The following PCDHGA9 variants were observed in gnomAD, a reference collection of about 807,000 sequenced individuals.
PCDHGA9 encodes the protein protocadherin gamma-A9.
Under a neutral mutation model 62.5 loss-of-function variants are expected in PCDHGA9, and 37 were observed. The observed-to-expected ratio is 0.59, with a 90% CI of 0.46 to 0.78. The LOEUF (loss-of-function observed/expected upper bound fraction) is 0.78. Ranked by LOEUF, PCDHGA9 falls within the 30% of genes least tolerant of loss-of-function variation. The pLI is 0.00. For missense variants in PCDHGA9, 1,138 were observed against 1,166.2 expected (o/e 0.98, Z 0.35); for synonymous variants, 459 against 484.6 (o/e 0.95, Z 0.69).
chr5:141,494,510 C>T (rs1462702765), intron 1 of PCDHGA9, among the ~76,000 whole-genome samples: 1 of 152,156 alleles, frequency 6.6e-6, no homozygotes, highest in Non-Finnish European at 1.5e-5. Context: ...TGAATTTTGG[C>T]TCAGGAGTTC....
chr5:141,489,530 G>C lies in PCDHGA9; in HGVS notation c.2425-5277G>C, dbSNP rs751249228. 17 of 1,614,092 alleles carry C rather than the reference G, an allele frequency of 1.1e-5. 1 individual carries two copies. In the South Asian group the frequency reaches 1.9e-4, roughly 18 times the overall value. ...AAGATTGACCGAGAAAGCCTATGTG[G>C]AGCCAGCACCAGCTGCCTGCTGCCA... On this transcript the variant is annotated intron_variant, in intron 1 of 3. Coordinates refer to ENST00000573521, the MANE Select transcript of PCDHGA9 (RefSeq NM_018921.3). The surrounding 1 kb of genome is among the most constrained non-coding windows in gnomAD (Gnocchi z 4.5).
chr5:141,480,241 A>C (rs895691864), intron 1 of PCDHGA9, among the ~76,000 whole-genome samples: 58 of 97,306 alleles, frequency 6.0e-4, no homozygotes, highest in African/African-American at 2.2e-3. Context: ...CTGTCTCTAC[A>C]AAAAAAAAAA....
chr5:141,408,555 A>G, intron 1 of PCDHGA9: 1 of 1,614,052 alleles, frequency 6.2e-7, no homozygotes, highest in South Asian at 1.1e-5. Flanking sequence ...AATATTTTTC[A>G]TGTCATTGTG....
chr5:141,463,500 G>A (rs866521006), intron 1 of PCDHGA9, among the ~76,000 whole-genome samples: 30 of 139,838 alleles, frequency 2.1e-4, no homozygotes, highest in African/African-American at 7.0e-4. Context: ...CCAGGCTGGA[G>A]TGACGTGGCG....
chr5:141,477,878 C>A lies in PCDHGA9; in HGVS notation c.2425-16929C>A. ...GCTGCCTCGAGGTACCTCAGCTGGC[C>A]ACCTAGTGTCACGGGTGGTAGGCTG... is the stretch of plus-strand genomic sequence containing the variant. On this transcript the variant is annotated intron_variant, in intron 1 of 3. Transcript: ENST00000573521. The surrounding 1 kb of genome is among the most constrained non-coding windows in gnomAD (Gnocchi z 4.9). 1.2e-6 allele frequency: 2 copies of A among 1,614,158 alleles called. No individual in the cohort carries two copies. Among genetic ancestry groups the A allele is most frequent in the Non-Finnish European group, 1.7e-6 (2 of 1,180,008 alleles).
At position 141,476,453 on chromosome 5, in the gene PCDHGA9, G is replaced by A. The variant is rs1432113874; in HGVS notation, c.2425-18354G>A. 3 of 1,614,138 alleles carry A rather than the reference G, an allele frequency of 1.9e-6. No individual in the cohort carries two copies. The East Asian group carries it at 6.7e-5, about 36-fold the overall frequency. ...CACTGTAACTCTGGAGTTGGTAGTG[G>A]AGAACCCGCTGGAGCTGTTCAGCGT... On this transcript the variant is annotated intron_variant, in intron 1 of 3. Transcript: ENST00000573521. The surrounding 1 kb of genome is among the most constrained non-coding windows in gnomAD (Gnocchi z 7.6).
At chr5:141,422,498 C>T (rs1482415670) in intron 1 of PCDHGA9, 1 of 1,613,964 alleles carries the variant, frequency 6.2e-7, no homozygotes, top group Admixed American at 1.7e-5. Flanking sequence ...ATAACGTTGA[C>T]AGCCACAGAC....
At chr5:141,420,808 G>A (rs539942896) in intron 1 of PCDHGA9, among the ~76,000 whole-genome samples, 2 of 152,288 alleles carry the variant, frequency 1.3e-5, no homozygotes, top group Admixed American at 6.5e-5. Flanking sequence ...AATTAAGCAA[G>A]CCCTTTTAAT....
intron 1 of PCDHGA9, chr5:141,440,019 G>A (rs747595475): frequency 6.5e-5 from 10 of 153,114 alleles, no homozygotes; most frequent in Non-Finnish European, 8.8e-5. Flanking sequence ...AAGGATCTGG[G>A]ACTCAGTGTC....
chr5:141,403,135 GCGCCGAGTC>G lies in PCDHGA9; in HGVS notation c.187_195del (p.Arg63_Arg65del). ...CTCTGGAGCCCCGGGAGCTGGCGGA[GCGCCGAGTC>G]CGCATCGTCTCTAGAGGTAGGACGC... On this transcript the variant is annotated inframe_deletion, in exon 1 of 4. Transcript: ENST00000573521. 4 of 1,614,064 alleles carry G rather than the reference GCGCCGAGTC, an allele frequency of 2.5e-6. No individual in the cohort carries two copies. The highest frequency in any genetic ancestry group is 3.4e-6 in the Non-Finnish European group (4 of 1,179,904).
At chr5:141,502,309 T>G (rs1395136136) in intron 2 of PCDHGA9, among the ~76,000 whole-genome samples, 2 of 152,196 alleles carry the variant, frequency 1.3e-5, no homozygotes, top group Admixed American at 6.5e-5. Flanking sequence ...TTTCCTCTCC[T>G]TTAATCTGGA....
intron 2 of PCDHGA9, among the ~76,000 whole-genome samples, chr5:141,497,219 A>G (rs974609491): frequency 6.7e-6 from 1 of 149,602 alleles, no homozygotes; most frequent in South Asian, 2.1e-4. Context: ...TGGGGGGGGG[A>G]AGATCAGAGA....
At chr5:141,464,418 T>C (rs1244881278) in intron 1 of PCDHGA9, among the ~76,000 whole-genome samples, 2 of 151,652 alleles carry the variant, frequency 1.3e-5, no homozygotes, top group Non-Finnish European at 2.9e-5. Flanking sequence ...TATATATCTA[T>C]ATATATAGAT....
intron 3 of PCDHGA9, chr5:141,508,363 A>G (rs996562348): frequency 1.3e-5 from 2 of 152,230 alleles, no homozygotes; most frequent in Non-Finnish European, 2.9e-5. Flanking sequence ...TGGCAATCCA[A>G]CTTCTTCCCC....
rs753256077 is a variant in PCDHGA9 at position 141,431,467 on chromosome 5, C to A, written c.2424+26091C>A. On this transcript the variant is annotated intron_variant, in intron 1 of 3. Coordinates refer to ENST00000573521, the MANE Select transcript of PCDHGA9 (RefSeq NM_018921.3). The surrounding 1 kb of genome is among the most constrained non-coding windows in gnomAD (Gnocchi z 4.8). The stretch of plus-strand genomic sequence containing the variant: ...TCCGCGTGATGGTTCTGGATGCGAA[C>A]GACAACGCACCAGCGTTTGCTCAGC... 1.9e-5 allele frequency: 31 copies of A among 1,613,684 alleles called. No homozygotes were observed. The highest frequency in any genetic ancestry group is 3.4e-6 in the Non-Finnish European group (4 of 1,179,964).
rs138463062 is a variant in PCDHGA9 at position 141,485,217 on chromosome 5, C to G, written c.2425-9590C>G. 6.8e-6 allele frequency: 11 copies of G among 1,613,996 alleles called. No individual in the cohort carries two copies. Among genetic ancestry groups the G allele is most frequent in the Non-Finnish European group, 9.3e-6 (11 of 1,179,978 alleles). ...AGCTGGACAGAAATCTGGCGGTGGGCTACCCTTTTGTTCCTCTTTTACCAC... is the reference window on the plus strand; with the variant it reads ...AGCTGGACAGAAATCTGGCGGTGGGGTACCCTTTTGTTCCTCTTTTACCAC... On this transcript the variant is annotated intron_variant, in intron 1 of 3. Coordinates refer to ENST00000573521, the MANE Select transcript of PCDHGA9 (RefSeq NM_018921.3). This position sits in a 1 kb window ranked among gnomAD's most constrained non-coding sequence, Gnocchi z 5.7.
chr5:141,487,822 G>C lies in PCDHGA9; in HGVS notation c.2425-6985G>C. On this transcript the variant is annotated intron_variant, in intron 1 of 3. Coordinates refer to ENST00000573521, the MANE Select transcript of PCDHGA9 (RefSeq NM_018921.3). The surrounding 1 kb of genome is among the most constrained non-coding windows in gnomAD (Gnocchi z 5.0). ...TGTCACAGTTTAGCATTGGGGGCGGGTCATGCCTATATCTGAGTAAGAAAT... is the reference window on the plus strand; with the variant it reads ...TGTCACAGTTTAGCATTGGGGGCGGCTCATGCCTATATCTGAGTAAGAAAT... 1 of 1,278,758 alleles carries C rather than the reference G, an allele frequency of 7.8e-7. No individual in the cohort carries two copies. The highest frequency in any genetic ancestry group is 1.4e-5 in the South Asian group (1 of 69,172). The allele number at this position is 1,278,758 out of a possible 1,614,324, so 79.2% of individuals were successfully genotyped here. A position where few individuals can be genotyped will look rare whatever the true frequency, so the allele number is the denominator to read the frequency against.
intron 1 of PCDHGA9, chr5:141,412,700 G>C (rs537095191): frequency 6.6e-6 from 1 of 152,574 alleles, no homozygotes; most frequent in South Asian, 2.1e-4. Flanking sequence ...TTTTATTAAA[G>C]TGTGTACATT....
intron 1 of PCDHGA9, among the ~76,000 whole-genome samples, chr5:141,437,913 T>G (rs1232481433): frequency 6.6e-6 from 1 of 152,138 alleles, no homozygotes; most frequent in East Asian, 1.9e-4. Context: ...AATTTTTGTA[T>G]TTTTAGTAGA....
Sources: gnomAD v4.1 joint callset for allele counts (sites outside exome capture counted in the v4.1 genomes callset) on GRCh38, gnomAD v4.1.1 for gene constraint, Gnocchi (gnomAD v3.1) non-coding constraint, MANE v1.5 for transcripts, NCBI Gene and HGNC (gene_info 2026-07-23, HGNC 2026-07-21) for gene names.